The following BBX variants were observed in gnomAD, a reference collection of about 807,000 sequenced individuals.
BBX encodes HMG box transcription factor BBX.
In BBX, 30 loss-of-function variants were observed where a neutral mutation model predicts 100.2. The observed-to-expected ratio is 0.30, with a 90% CI of 0.22 to 0.41. The LOEUF is 0.41. Among genes scored for constraint, BBX ranks in the 10% least tolerant of loss-of-function variants. The pLI, the probability that BBX is intolerant of heterozygous loss-of-function variation, is 1.00. For missense variants in BBX, 1,023 were observed against 1,129.8 expected, an observed-to-expected ratio of 0.91 and a Z score of 1.35; for synonymous variants, 376 against 388.1, an observed-to-expected ratio of 0.97 and a Z score of 0.37.
At chr3:107,560,207 GAA>G (rs5851558) in intron 2 of BBX, among the ~76,000 whole-genome samples, 14 of 144,124 alleles carry the variant, frequency 9.7e-5, no homozygotes, top group African/African-American at 2.0e-4. Context: ...TGGGAAACAT[GAA>G]AAAAAAAAAA....
chr3:107,694,985 A>AGGTGTTTG (rs1445925443), intron 3 of BBX, among the ~76,000 whole-genome samples: 1 of 151,118 alleles, frequency 6.6e-6, no homozygotes, highest in East Asian at 1.9e-4. Flanking sequence ...ATTTGTGTAG[A>AGGTGTTTG]GGTGTTTGTA....
chr3:107,601,954 GAT>G (rs1402654118), intron 2 of BBX, among the ~76,000 whole-genome samples: 2 of 152,194 alleles, frequency 1.3e-5, no homozygotes, highest in African/African-American at 4.8e-5. Context: ...GATTTTATAA[GAT>G]AAAGCCATTG....
At chr3:107,666,943 A>T (rs1483385926) in intron 3 of BBX, among the ~76,000 whole-genome samples, 1 of 152,032 alleles carries the variant, frequency 6.6e-6, no homozygotes, top group Non-Finnish European at 1.5e-5. Context: ...CACATAAAAC[A>T]CTCAAGATTC....
At chr3:107,607,421 T>C (rs1171319019) in intron 2 of BBX, among the ~76,000 whole-genome samples, 1 of 152,196 alleles carries the variant, frequency 6.6e-6, no homozygotes, top group Non-Finnish European at 1.5e-5. Flanking sequence ...TATTCCATTG[T>C]GTGTGTGTAC....
At chr3:107,609,522 A>G (rs979493478) in intron 2 of BBX, among the ~76,000 whole-genome samples, 2 of 152,088 alleles carry the variant, frequency 1.3e-5, no homozygotes, top group Admixed American at 6.5e-5. Context: ...TTTCTTTGCT[A>G]GAAGACTTTA....
chr3:107,662,389 A>G (rs2058497645), intron 3 of BBX, among the ~76,000 whole-genome samples: 1 of 152,174 alleles, frequency 6.6e-6, no homozygotes, highest in Non-Finnish European at 1.5e-5. Context: ...CAGTCTCCCA[A>G]CAGCTAACTT....
intron 2 of BBX, among the ~76,000 whole-genome samples, chr3:107,612,398 A>G (rs1406624900): frequency 2.0e-5 from 3 of 152,144 alleles, no homozygotes; most frequent in African/African-American, 7.2e-5. Flanking sequence ...AGGTATTAGA[A>G]GGGTCATGGG....
chr3:107,756,872 A>G (rs1358900069), intron 10 of BBX, among the ~76,000 whole-genome samples: 1 of 152,198 alleles, frequency 6.6e-6, no homozygotes, highest in Admixed American at 6.5e-5. Flanking sequence ...TACTCCAAAC[A>G]GAGCTGAAAC....
At chr3:107,757,723 T>G (rs1380954535) in intron 10 of BBX, among the ~76,000 whole-genome samples, 1 of 152,216 alleles carries the variant, frequency 6.6e-6, no homozygotes, top group East Asian at 1.9e-4. Flanking sequence ...CCTTAATTTT[T>G]TTATTGCATG....
chr3:107,663,329 A>G (rs996358590), intron 3 of BBX, among the ~76,000 whole-genome samples: 1 of 152,214 alleles, frequency 6.6e-6, no homozygotes, highest in Admixed American at 6.5e-5. Context: ...AATCTAAACT[A>G]TGATAATTTT....
intron 2 of BBX, among the ~76,000 whole-genome samples, chr3:107,550,203 T>C (rs2049554702): frequency 6.6e-6 from 1 of 152,062 alleles, no homozygotes; most frequent in African/African-American, 2.4e-5. Flanking sequence ...TATGAGACCT[T>C]AATGAGATAA....
chr3:107,572,042 C>A (rs1282394), intron 2 of BBX, among the ~76,000 whole-genome samples: 14,695 of 152,160 alleles, frequency 0.097, 838 homozygotes, highest in Non-Finnish European at 0.12. Context: ...ATGAAGAAAT[C>A]ATTTAACAAC....
chr3:107,540,536 A>G lies in BBX; in HGVS notation c.-84+14138A>G, dbSNP rs116494856. On this transcript the variant is annotated intron_variant, in intron 2 of 17. Transcript: ENST00000325805. Reference sequence around the variant, plus strand: ...GGCCTGTAAATGAATCCTGCTTCGAATGAAGCAAAGCCAGTGATTCTGGAA... The same window carrying G: ...GGCCTGTAAATGAATCCTGCTTCGAGTGAAGCAAAGCCAGTGATTCTGGAA... Among the ~76,000 whole-genome samples, 342 of 152,316 alleles carry G rather than the reference A, an allele frequency of 2.2e-3. 2 individuals carry two copies. Among genetic ancestry groups the G allele is most frequent in the African/African-American group, 7.1e-3 (297 of 41,574 alleles).
chr3:107,759,263 G>A (rs138168710), intron 10 of BBX, among the ~76,000 whole-genome samples: 11 of 152,316 alleles, frequency 7.2e-5, no homozygotes, highest in African/African-American at 2.4e-4. Flanking sequence ...ATAGCTGAAA[G>A]TGACCTGAAA....
At chr3:107,523,239 G>A in intron 1 of BBX, 132 bp downstream of exon 1, 2 of 225,548 alleles carry the variant, frequency 8.9e-6, no homozygotes, top group South Asian at 5.1e-5. Flanking sequence ...CGGCGGCGGC[G>A]GCGGCGGCAG....
At position 107,683,058 on chromosome 3, in the gene BBX, C is replaced by G. The variant is rs369755298; in HGVS notation, c.-9-27394C>G. Among the ~76,000 whole-genome samples the G allele has an allele frequency of 3.3e-5, 5 of 152,162 alleles. No individual in the cohort carries two copies. In the East Asian group the frequency reaches 7.7e-4, roughly 23 times the overall value. ...AAAATATCAGTCAATGCATATACCA[C>G]TCCATATCTGTTGTGAACATTTTAT... is the stretch of plus-strand genomic sequence containing the variant. On this transcript the variant is annotated intron_variant, in intron 3 of 17. Transcript: ENST00000325805.
intron 3 of BBX, among the ~76,000 whole-genome samples, chr3:107,702,461 C>T (rs1332776824): frequency 6.6e-6 from 1 of 152,170 alleles, no homozygotes; most frequent in Non-Finnish European, 1.5e-5. Flanking sequence ...TTTGTCCATT[C>T]TGCCTTGTAG....
At chr3:107,726,446 C>T (rs2062942800) in intron 5 of BBX, among the ~76,000 whole-genome samples, 1 of 132,380 alleles carries the variant, frequency 7.6e-6, no homozygotes, top group Admixed American at 7.9e-5. Context: ...ACGTTCTTAA[C>T]TCTTCCACTC....
At chr3:107,804,629 G>T (rs1237582971) in intron 17 of BBX, among the ~76,000 whole-genome samples, 1 of 152,134 alleles carries the variant, frequency 6.6e-6, no homozygotes. Flanking sequence ...CTATCCAAAT[G>T]ATGAAAATTT....
Sources: allele counts gnomAD v4.1 joint callset (sites outside exome capture counted in the v4.1 genomes callset), GRCh38; gene constraint gnomAD v4.1.1; transcripts MANE v1.5; gene names NCBI Gene and HGNC (gene_info 2026-07-23, HGNC 2026-07-21).